PPIC: variants seen among roughly 807,000 people sequenced by gnomAD.
The protein encoded by PPIC is peptidylprolyl isomerase C.
In PPIC, 19 loss-of-function variants were observed where a neutral mutation model predicts 19.5. The ratio of observed to expected loss-of-function variants is 0.98; its 90% CI spans 0.68 to 1.43. The LOEUF (loss-of-function observed/expected upper bound fraction) is 1.43, where lower values mean the gene tolerates loss of function less well. Among genes scored for constraint, PPIC ranks in the 40% most tolerant of loss-of-function variants. PPIC has a pLI of 0.00. For synonymous variants in PPIC, 107 were observed against 101.2 expected (o/e 1.06, Z -0.34); for missense variants, 268 against 268.6 (o/e 1.00, Z 0.02).
At chr5:123,033,942 A>C (rs1762971861) in intron 1 of PPIC, among the ~76,000 whole-genome samples, 1 of 152,240 alleles carries the variant, frequency 6.6e-6, no homozygotes. Flanking sequence ...TTTGGAGCCC[A>C]ATGAGCCAGA....
intron 1 of PPIC, among the ~76,000 whole-genome samples, chr5:123,035,254 A>C (rs982340311): frequency 6.6e-6 from 1 of 152,136 alleles, no homozygotes; most frequent in African/African-American, 2.4e-5. Flanking sequence ...ATGTCACCCA[A>C]AGTATATTAC....
intron 1 of PPIC, among the ~76,000 whole-genome samples, chr5:123,030,767 G>A (rs1209312767): frequency 2.6e-5 from 4 of 152,268 alleles, no homozygotes; most frequent in Admixed American, 1.3e-4. Context: ...GTGCAGAGCC[G>A]GCTTACAAGA....
Position 123,029,339 on chromosome 5 carries a change from G to C in PPIC, c.197C>G (p.Thr66Arg), listed in dbSNP as rs766912663. Reference sequence around the variant, plus strand: ...TGCTAGAGCAACAAAATTTTCCACTGTCTTGGGCACAACTTTTCCAAAGAG... The same window carrying C: ...TGCTAGAGCAACAAAATTTTCCACTCTCTTGGGCACAACTTTTCCAAAGAG... ...IGLFGKVVPK[T>R]VENFVALATG... Residue 66 changes from threonine (T) to arginine (R), a missense_variant, in exon 2 of 5, where the codon ACA (threonine) becomes AGA (arginine). By Grantham distance (71) the Thr-to-Arg change is moderately conservative (BLOSUM62 -1). Coordinates refer to ENST00000306442, the MANE Select transcript of PPIC (RefSeq NM_000943.5). 1.1e-5 allele frequency: 17 copies of C among 1,613,244 alleles called. No homozygotes were observed. The highest frequency in any genetic ancestry group is 1.4e-5 in the Non-Finnish European group (17 of 1,179,482).
At chr5:123,026,167 G>C (rs1762850002) in intron 3 of PPIC, among the ~76,000 whole-genome samples, 199 bp from the exon 4 acceptor site, 1 of 152,136 alleles carries the variant, frequency 6.6e-6, no homozygotes, top group African/African-American at 2.4e-5. Flanking sequence ...GGCCTAAAAT[G>C]AACAAAGAAA....
chr5:123,036,317 G>T lies in PPIC; in HGVS notation c.117+192C>A, dbSNP rs537358003. ...GGCTGGCCTCAGCCCAGCTCCCCCAGGGTCTCCCCCGGAGCGCCGGCCTCC... is the reference window on the plus strand; with the variant it reads ...GGCTGGCCTCAGCCCAGCTCCCCCATGGTCTCCCCCGGAGCGCCGGCCTCC... On this transcript the variant is annotated intron_variant, in intron 1 of 4. Transcript: ENST00000306442. The surrounding 1 kb of genome is among the most constrained non-coding windows in gnomAD (Gnocchi z 4.5). 6.7e-6 allele frequency: 4 copies of T among 597,408 alleles called. No homozygotes were observed. The highest frequency in any genetic ancestry group is 8.9e-6 in the Non-Finnish European group (3 of 338,518). The allele number at this position is 597,408 out of a possible 1,614,324, so 37.0% of individuals were successfully genotyped here.
chr5:123,029,721 C>A (rs908279682), intron 1 of PPIC, among the ~76,000 whole-genome samples: 4 of 152,146 alleles, frequency 2.6e-5, no homozygotes, highest in Admixed American at 6.5e-5. Flanking sequence ...TTCAATAATT[C>A]TTCTCTTCCC....
intron 3 of PPIC, among the ~76,000 whole-genome samples, chr5:123,026,507 G>A (rs1402645986): frequency 4.0e-4 from 61 of 152,162 alleles, no homozygotes; most frequent in Non-Finnish European, 8.8e-5. Context: ...TTTTACAATG[G>A]GAAACAGAGG....
At chr5:123,034,436 A>T (rs1762978619) in intron 1 of PPIC, among the ~76,000 whole-genome samples, 1 of 152,132 alleles carries the variant, frequency 6.6e-6, no homozygotes. Flanking sequence ...CCCCTCCTGC[A>T]GCCACCAGCT....
intron 1 of PPIC, among the ~76,000 whole-genome samples, chr5:123,033,385 G>T (rs943494858): frequency 2.7e-4 from 41 of 152,008 alleles, no homozygotes; most frequent in African/African-American, 8.9e-4. Flanking sequence ...GTAGTGAATG[G>T]GTTCTCACTT....
In PPIC at chr5:123,025,944, A is replaced by T; in HGVS notation, c.350T>A (p.Phe117Tyr). ...TGGVSIYGET[F>Y]PDENFKLKHY... is the part of the protein sequence containing the mutation. ...CTTCAGCTTGAAGTTCTCATCTGGAAATGTCTCACCATAGATGCTCACACC... is the reference window on the plus strand; with the variant it reads ...CTTCAGCTTGAAGTTCTCATCTGGATATGTCTCACCATAGATGCTCACACC... Residue 117 changes from phenylalanine (F) to tyrosine (Y), a missense_variant, in exon 4 of 5, where the codon TTT becomes TAT. By Grantham distance (22) the Phe-to-Tyr change is conservative. Coordinates refer to ENST00000306442, the MANE Select transcript of PPIC (RefSeq NM_000943.5). The T allele has an allele frequency of 6.2e-7, 1 of 1,607,406 alleles. No homozygotes were observed. The highest frequency in any genetic ancestry group is 8.5e-7 in the Non-Finnish European group (1 of 1,177,740).
At chr5:123,034,022 C>G (rs7723798) in intron 1 of PPIC, among the ~76,000 whole-genome samples, 115,655 of 152,214 alleles carry the variant, frequency 0.76, 44,437 homozygotes, top group East Asian at 0.92. Context: ...ATCTGTGGAC[C>G]AAGTTAGTGC....
chr5:123,028,704 T>G lies in PPIC; in HGVS notation c.325+71A>C, dbSNP rs1376855081. The stretch of plus-strand genomic sequence containing the variant: ...TCCTTAGCTCTGGATTTCAACAGAC[T>G]GGGTTCATATACTGGCTTAACCTTA... On this transcript the variant is annotated intron_variant, in intron 3 of 4. Coordinates refer to ENST00000306442, the MANE Select transcript of PPIC (RefSeq NM_000943.5). The G allele has an allele frequency of 4.9e-6, 6 of 1,231,818 alleles. No individual in the cohort carries two copies. In the East Asian group the frequency reaches 7.2e-5, roughly 15 times the overall value. The allele number at this position is 1,231,818 out of a possible 1,614,324, so 76.3% of individuals were successfully genotyped here. A position where few individuals can be genotyped will look rare whatever the true frequency, so the allele number is the denominator to read the frequency against.
Position 123,029,322 on chromosome 5 carries a change from C to A in PPIC, c.214G>T (p.Ala72Ser), listed in dbSNP as rs139692407. Residue 72 changes from alanine to serine, a missense_variant, in exon 2 of 5, where the codon GCT becomes TCT. Coordinates refer to ENST00000306442, the MANE Select transcript of PPIC (RefSeq NM_000943.5). Reference protein sequence around the residue: ...VVPKTVENFVALATGEKGYGY... With the variant: ...VVPKTVENFVSLATGEKGYGY... ...AGACATACCTCTCCTGTTGCTAGAG[C>A]AACAAAATTTTCCACTGTCTTGGGC... The A allele has an allele frequency of 6.2e-7, 1 of 1,613,934 alleles. No individual in the cohort carries two copies. The highest frequency in any genetic ancestry group is 1.1e-5 in the South Asian group (1 of 91,034).
chr5:123,025,618 C>T (rs1762839486), intron 4 of PPIC, among the ~76,000 whole-genome samples, 166 bp downstream of exon 4: 1 of 152,048 alleles, frequency 6.6e-6, no homozygotes, highest in African/African-American at 2.4e-5. Context: ...CGCCAATGAC[C>T]CTAAGAATTA....
At position 123,036,702 on chromosome 5, in the gene PPIC, G is replaced by A. The variant is rs1763021962; in HGVS notation, c.-77C>T. ...GACACAGGCTCTGGGACAGCTGACG[G>A]GACTGCCGGCCGGCTGCGCCTGCGC... On this transcript the variant is annotated 5_prime_UTR_variant, in exon 1 of 5. Coordinates refer to ENST00000306442, the MANE Select transcript of PPIC (RefSeq NM_000943.5). The surrounding 1 kb of genome is among the most constrained non-coding windows in gnomAD (Gnocchi z 4.5). The A allele has an allele frequency of 9.9e-6, 13 of 1,310,820 alleles. No individual in the cohort carries two copies. Among genetic ancestry groups the A allele is most frequent in the South Asian group, 5.3e-5 (4 of 75,344 alleles). 81.2% of individuals were successfully genotyped at this position (1,310,820 alleles called of 1,614,324 possible). A position where few individuals can be genotyped will look rare whatever the true frequency, so the allele number is the denominator to read the frequency against.
chr5:123,036,646 C>T lies in PPIC; in HGVS notation c.-21G>A. On this transcript the variant is annotated 5_prime_UTR_variant, in exon 1 of 5. Transcript: ENST00000306442. This position sits in a 1 kb window ranked among gnomAD's most constrained non-coding sequence, Gnocchi z 4.5. Reference sequence around the variant, plus strand: ...CCCATGGTGAGCGGTGGCAGCGGCGCTACCGGCACGGGCGCTACCGGCACG... The same window carrying T: ...CCCATGGTGAGCGGTGGCAGCGGCGTTACCGGCACGGGCGCTACCGGCACG... 6.4e-7 allele frequency: 1 copy of T among 1,557,548 alleles called. No individual in the cohort carries two copies. The highest frequency in any genetic ancestry group is 8.7e-7 in the Non-Finnish European group (1 of 1,150,468).
intron 1 of PPIC, among the ~76,000 whole-genome samples, chr5:123,032,095 C>T (rs1762952527): frequency 1.3e-5 from 2 of 152,286 alleles, no homozygotes; most frequent in South Asian, 4.1e-4. Flanking sequence ...CAGCGCCCAG[C>T]CAGGAGAGGC....
rs1430762480 is a variant in PPIC at position 123,025,913 on chromosome 5, A to G, written c.381T>C (p.Tyr127=). Residue 127 remains tyrosine (Y), a synonymous_variant, in exon 4 of 5, where the codon TAT becomes TAC. Transcript: ENST00000306442. ...FPDENFKLKH[Y]GIGWVSMANA... The stretch of plus-strand genomic sequence containing the variant: ...TGGCCATGCTGACCCACCCAATGCC[A>G]TAGTGCTTCAGCTTGAAGTTCTCAT... 3 of 1,612,792 alleles carry G rather than the reference A, an allele frequency of 1.9e-6. No homozygotes were observed. Among genetic ancestry groups the G allele is most frequent in the Admixed American group, 1.7e-5 (1 of 59,670 alleles).
chr5:123,029,472 A>G, intron 1 of PPIC, 54 bp from the exon 2 acceptor site: 1 of 1,486,390 alleles, frequency 6.7e-7, no homozygotes, highest in Admixed American at 2.4e-5. Flanking sequence ...AAGCACAAAT[A>G]CAAGGTAAGT....
Sources: allele counts gnomAD v4.1 joint callset (sites outside exome capture counted in the v4.1 genomes callset), GRCh38; gene constraint gnomAD v4.1.1; non-coding constraint Gnocchi (gnomAD v3.1); transcripts MANE v1.5; gene names NCBI Gene and HGNC (gene_info 2026-07-23, HGNC 2026-07-21).